RAB3IP: variants seen among roughly 807,000 people sequenced by gnomAD.
RAB3IP encodes the protein rab-3A-interacting protein.
Under a neutral mutation model 59.1 loss-of-function variants are expected in RAB3IP, and 36 were observed. That is an observed-to-expected ratio of 0.61 (90% confidence interval 0.47 to 0.80). The LOEUF is 0.80. Ranked by LOEUF, RAB3IP falls within the 30% of genes least tolerant of loss-of-function variation. RAB3IP has a pLI of 0.00. For missense variants in RAB3IP, 511 were observed against 536.0 expected, an observed-to-expected ratio of 0.95 and a Z score of 0.46; for synonymous variants, 207 against 191.2, an observed-to-expected ratio of 1.08 and a Z score of -0.68.
At position 69,816,556 on chromosome 12, in the gene RAB3IP, T is replaced by C. The variant is rs1881161049; in HGVS notation, c.*1110T>C. 1 of 152,176 alleles carries C rather than the reference T, an allele frequency of 6.6e-6. No individual in the cohort carries two copies. Among genetic ancestry groups the C allele is most frequent in the South Asian group, 2.1e-4 (1 of 4,830 alleles). The allele number at this position is 152,176 out of a possible 1,614,324, so 9.4% of individuals were successfully genotyped here. A position where few individuals can be genotyped will look rare whatever the true frequency, so the allele number is the denominator to read the frequency against. On this transcript the variant is annotated 3_prime_UTR_variant, in exon 11 of 11. Transcript: ENST00000247833. ...CTGTTTATAGAATTTTAACATAATT[T>C]AATTGTGTTTGGAGATGAGGTGGTT...
chr12:69,799,340 C>T (rs1329870721), intron 6 of RAB3IP, among the ~76,000 whole-genome samples: 2 of 152,150 alleles, frequency 1.3e-5, no homozygotes, highest in Non-Finnish European at 2.9e-5. Context: ...GGAGACTGCT[C>T]TAGTTTGGGT....
At chr12:69,808,612 G>A (rs958279120) in intron 8 of RAB3IP, among the ~76,000 whole-genome samples, 35 of 152,194 alleles carry the variant, frequency 2.3e-4, no homozygotes, top group Non-Finnish European at 4.4e-4. Context: ...ATATATTTAG[G>A]ATAGTTAGTT....
Position 69,794,441 on chromosome 12 carries a change from C to T in RAB3IP, c.611C>T (p.Ala204Val). 1 of 1,609,806 alleles carries T rather than the reference C, an allele frequency of 6.2e-7. No individual in the cohort carries two copies. The highest frequency in any genetic ancestry group is 8.5e-7 in the Non-Finnish European group (1 of 1,178,000). Residue 204 changes from alanine (A) to valine (V), a missense_variant, in exon 5 of 11, where the codon GCT becomes GTT. Coordinates refer to ENST00000247833, the MANE Select transcript of RAB3IP (RefSeq NM_022456.5). ...TTGAGATGTTAACTTTTTCAGGAAG[C>T]TCATAAAATGGTGAGAGAAGCAAAT... ...EELTASLFEEAHKMVREANIK... is the reference protein window; with the variant it reads ...EELTASLFEEVHKMVREANIK...
In RAB3IP at chr12:69,823,057, AT is replaced by A. The variant is rs1363854512; in HGVS notation, c.*7612del. ...TGAATGTTTCCAACATAAAGAAATG[AT>A]AAGTGTTTGAGATGATGGATATGCT... On this transcript the variant is annotated 3_prime_UTR_variant, in exon 11 of 11. Transcript: ENST00000247833. 1 of 152,184 alleles carries A rather than the reference AT, an allele frequency of 6.6e-6. No individual in the cohort carries two copies. Among genetic ancestry groups the A allele is most frequent in the East Asian group, 1.9e-4 (1 of 5,204 alleles). The allele number at this position is 152,184 out of a possible 1,614,324, so 9.4% of individuals were successfully genotyped here.
chr12:69,760,163 C>T (rs561669024), intron 3 of RAB3IP, among the ~76,000 whole-genome samples: 10 of 152,368 alleles, frequency 6.6e-5, no homozygotes, highest in African/African-American at 1.2e-4. Flanking sequence ...GGATCACTCA[C>T]GGTTAGGAGC....
chr12:69,759,883 A>G (rs1394219790), intron 3 of RAB3IP, among the ~76,000 whole-genome samples: 1 of 149,528 alleles, frequency 6.7e-6, no homozygotes, highest in Admixed American at 6.6e-5. Flanking sequence ...GACGCTCCTC[A>G]CCTCCCAGAC....
intron 8 of RAB3IP, among the ~76,000 whole-genome samples, chr12:69,805,104 A>G (rs1159240400): frequency 6.6e-6 from 1 of 152,120 alleles, no homozygotes; most frequent in Non-Finnish European, 1.5e-5. Context: ...CCATTTTCAC[A>G]ATATTGAGTC....
chr12:69,815,189 A>G (rs1880989869), intron 10 of RAB3IP, among the ~76,000 whole-genome samples, 175 bp from the exon 11 acceptor site: 1 of 152,216 alleles, frequency 6.6e-6, no homozygotes, highest in South Asian at 2.1e-4. Flanking sequence ...TGCTTTATTG[A>G]TAAAACTGGG....
chr12:69,801,369 T>C (rs1878346523), intron 7 of RAB3IP, among the ~76,000 whole-genome samples: 1 of 152,192 alleles, frequency 6.6e-6, no homozygotes, highest in South Asian at 2.1e-4. Context: ...ATTGATGCCT[T>C]GAATCCTCGT....
rs1491295901 is a variant in RAB3IP, at chr12:69,817,686, ACT to A, written c.*2241_*2242del. 2.0e-5 allele frequency: 3 copies of A among 149,278 alleles called. No individual in the cohort carries two copies. The highest frequency in any genetic ancestry group is 4.4e-5 in the Non-Finnish European group (3 of 67,528). The allele number at this position is 149,278 out of a possible 1,614,324, so 9.2% of individuals were successfully genotyped here. ...CACACACACACACACACACACACAC[ACT>A]GTGTCCATGAACTTGGGAGGATGAG... is the stretch of plus-strand genomic sequence containing the variant. On this transcript the variant is annotated 3_prime_UTR_variant, in exon 11 of 11. Transcript: ENST00000247833.
At chr12:69,756,773 G>A (rs918301225) in intron 3 of RAB3IP, 110 bp downstream of exon 3, 33 of 884,884 alleles carry the variant, frequency 3.7e-5, no homozygotes, top group Non-Finnish European at 4.9e-5. Context: ...ACATTTATCC[G>A]TCACATATGC....
intron 3 of RAB3IP, among the ~76,000 whole-genome samples, chr12:69,758,355 TTTG>T (rs553692835): frequency 1.0e-3 from 152 of 152,354 alleles, no homozygotes; most frequent in African/African-American, 3.2e-3. Context: ...CATCTTACTG[TTTG>T]TTTTCTGTTT....
intron 3 of RAB3IP, among the ~76,000 whole-genome samples, chr12:69,766,687 AT>A (rs898735253): frequency 1.2e-4 from 18 of 146,382 alleles, no homozygotes; most frequent in Middle Eastern, 3.4e-3. Context: ...ATGCCCAGCT[AT>A]TTTTTTTTTG....
At chr12:69,780,451 C>T (rs1470476148) in intron 3 of RAB3IP, among the ~76,000 whole-genome samples, 1 of 152,196 alleles carries the variant, frequency 6.6e-6, no homozygotes, top group Admixed American at 6.5e-5. Context: ...GCAAACCCAC[C>T]AGGGTAGCCC....
rs1423151796 is a variant in RAB3IP at position 69,795,419 on chromosome 12, T to C, written c.888+75T>C. The C allele has an allele frequency of 3.2e-6, 4 of 1,261,912 alleles. No individual in the cohort carries two copies. In the East Asian group the frequency reaches 9.9e-5, roughly 31 times the overall value. 78.2% of individuals were successfully genotyped at this position (1,261,912 alleles called of 1,614,324 possible). The stretch of plus-strand genomic sequence containing the variant: ...CTCATCACTGAGGTGTCAGTTATCA[T>C]TTTTGCCAGCAAAATTTTTAGTACA... On this transcript the variant is annotated intron_variant, in intron 6 of 10. Transcript: ENST00000247833.
At chr12:69,786,211 A>T (rs1302495814) in intron 4 of RAB3IP, among the ~76,000 whole-genome samples, 1 of 152,154 alleles carries the variant, frequency 6.6e-6, no homozygotes, top group Non-Finnish European at 1.5e-5. Context: ...ATGTTGCTGC[A>T]CCATCACTAA....
At chr12:69,765,397 G>C (rs1016838043) in intron 3 of RAB3IP, among the ~76,000 whole-genome samples, 10 of 152,076 alleles carry the variant, frequency 6.6e-5, no homozygotes, top group Admixed American at 1.3e-4. Context: ...TGAGATGATC[G>C]TATGGCTTTT....
At chr12:69,808,747 G>T (rs1207542125) in intron 8 of RAB3IP, among the ~76,000 whole-genome samples, 2 of 152,082 alleles carry the variant, frequency 1.3e-5, no homozygotes, top group South Asian at 2.1e-4. Context: ...TTTTCCATTT[G>T]CTTGGTAGAT....
rs555849277 is a variant in RAB3IP, at chr12:69,797,065, G to A, written c.888+1721G>A. Among the ~76,000 whole-genome samples the A allele has an allele frequency of 1.6e-4, 25 of 152,314 alleles. No individual in the cohort carries two copies. The South Asian group carries it at 5.2e-3, about 32-fold the overall frequency. On this transcript the variant is annotated intron_variant, in intron 6 of 10. Transcript: ENST00000247833. The stretch of plus-strand genomic sequence containing the variant: ...AATTACATAAATTTGACCTGTGTAA[G>A]TCTTAGAAAAATATGTAACAATCTG...
Sources: gnomAD v4.1 joint callset for allele counts (sites outside exome capture counted in the v4.1 genomes callset) on GRCh38, gnomAD v4.1.1 for gene constraint, MANE v1.5 for transcripts, NCBI Gene and HGNC (gene_info 2026-07-23, HGNC 2026-07-21) for gene names.